The following PECAM1 variants were observed in gnomAD, a reference collection of about 807,000 sequenced individuals.
PECAM1 encodes the protein platelet endothelial cell adhesion molecule.
Under a neutral mutation model 13.8 loss-of-function variants are expected in PECAM1, and 8 were observed. The ratio of observed to expected loss-of-function variants is 0.58; its 90% CI spans 0.34 to 1.05. The LOEUF (loss-of-function observed/expected upper bound fraction) is 1.05. Ranked by LOEUF, PECAM1 falls within the 50% of genes least tolerant of loss-of-function variation. The pLI is 0.03. For synonymous variants in PECAM1, 136 were observed against 52.6 expected, an observed-to-expected ratio of 2.58 and a Z score of -6.86; for missense variants, 304 against 141.2, an observed-to-expected ratio of 2.15 and a Z score of -5.84.
At chr17:64,328,223 G>C (rs1350082995) in intron 15 of PECAM1, among the ~76,000 whole-genome samples, 2 of 152,180 alleles carry the variant, frequency 1.3e-5, no homozygotes, top group Non-Finnish European at 2.9e-5. Flanking sequence ...GTCCTACAGG[G>C]TGTTTTGGGT....
intron 15 of PECAM1, among the ~76,000 whole-genome samples, chr17:64,327,655 G>C (rs80298083): frequency 2.8e-4 from 42 of 152,332 alleles, no homozygotes; most frequent in African/African-American, 9.9e-4. Context: ...TCTCTTCCAT[G>C]CTATCTGTCT....
chr17:64,363,644 T>C (rs1451311032), intron 5 of PECAM1, among the ~76,000 whole-genome samples: 2 of 152,262 alleles, frequency 1.3e-5, no homozygotes, highest in Admixed American at 6.5e-5. Flanking sequence ...TGACAAGGAT[T>C]AGAAAAGTTT....
intron 5 of PECAM1, among the ~76,000 whole-genome samples, chr17:64,365,761 G>T (rs1424467578): frequency 1.3e-5 from 2 of 151,428 alleles, no homozygotes; most frequent in African/African-American, 4.8e-5. Context: ...GGGAAAACTG[G>T]CTAGCCACAT....
intron 2 of PECAM1, among the ~76,000 whole-genome samples, chr17:64,379,718 C>G (rs2036440220): frequency 6.6e-6 from 1 of 152,084 alleles, no homozygotes; most frequent in African/African-American, 2.4e-5. Context: ...ATGTTCTATA[C>G]ATGGCTAAAA....
chr17:64,347,692 T>C (rs2035610423), intron 13 of PECAM1, among the ~76,000 whole-genome samples: 1 of 140,804 alleles, frequency 7.1e-6, no homozygotes, highest in South Asian at 2.2e-4. Context: ...ATTATATATG[T>C]ATTTATATTT....
intron 5 of PECAM1, among the ~76,000 whole-genome samples, chr17:64,367,111 C>G (rs2036126610): frequency 1.3e-5 from 2 of 151,986 alleles, no homozygotes; most frequent in African/African-American, 2.4e-5. Flanking sequence ...CATTTCACCC[C>G]ACAAGTATTT....
chr17:64,373,378 T>C (rs1213108010), intron 4 of PECAM1, among the ~76,000 whole-genome samples: 5 of 152,058 alleles, frequency 3.3e-5, no homozygotes, highest in Non-Finnish European at 4.4e-5. Context: ...AGATGGCCCA[T>C]CCCTACAGTC....
intron 14 of PECAM1, among the ~76,000 whole-genome samples, chr17:64,341,203 G>A (rs2035419655): frequency 6.6e-6 from 1 of 151,822 alleles, no homozygotes; most frequent in Non-Finnish European, 1.5e-5. Context: ...AGTGGAGGTT[G>A]CAGTGAGTCG....
intron 2 of PECAM1, chr17:64,379,212 C>G (rs2143884324): frequency 6.6e-6 from 1 of 152,368 alleles, no homozygotes; most frequent in East Asian, 1.9e-4. Context: ...TGTGGGTCAA[C>G]TGGCCAATTG....
chr17:64,390,429 C>T (rs1385443727), intron 2 of PECAM1, 60 bp downstream of exon 2: 6 of 457,394 alleles, frequency 1.3e-5, no homozygotes, highest in Admixed American at 7.0e-5. Flanking sequence ...TTAGGCATCA[C>T]AGAAGAGAAA....
chr17:64,351,134 T>A (rs1173321893), intron 11 of PECAM1, among the ~76,000 whole-genome samples: 1 of 152,170 alleles, frequency 6.6e-6, no homozygotes, highest in Non-Finnish European at 1.5e-5. Flanking sequence ...TACCTCGGCC[T>A]CCCAAAGTGT....
At chr17:64,355,977 C>T (rs933134263) in intron 8 of PECAM1, 134 bp downstream of exon 8, 3 of 442,956 alleles carry the variant, frequency 6.8e-6, no homozygotes, top group African/African-American at 4.0e-5. Context: ...AACCAAGAGC[C>T]TGGAGGACAT....
chr17:64,321,794 G>A lies in PECAM1; in HGVS notation c.*2022C>T. On this transcript the variant is annotated 3_prime_UTR_variant, in exon 16 of 16. Transcript: ENST00000563924. ...AAAACAAAACAAAAAATTCAGTCGT[G>A]CTGCATAAGTAAGGCACCAGGAGTA... 2.3e-6 allele frequency: 3 copies of A among 1,330,808 alleles called. No individual in the cohort carries two copies. Among genetic ancestry groups the A allele is most frequent in the Middle Eastern group, 2.1e-4 (1 of 4,656 alleles). 82.4% of individuals were successfully genotyped at this position (1,330,808 alleles called of 1,614,324 possible). A position where few individuals can be genotyped will look rare whatever the true frequency, so the allele number is the denominator to read the frequency against.
intron 2 of PECAM1, 160 bp downstream of exon 2, chr17:64,390,329 A>G: frequency 2.5e-6 from 1 of 405,992 alleles, no homozygotes; most frequent in Non-Finnish European, 4.4e-6. Context: ...GCCTTTCTAA[A>G]AATGCCCACA....
Position 64,326,489 on chromosome 17 carries a change from C to T in PECAM1, c.2188-2644G>A, listed in dbSNP as rs372150961. The stretch of plus-strand genomic sequence containing the variant: ...CCCCATGCAAGTGGGCCAAGCAAGC[C>T]GTGCTGGCCCCAGAGGCTGGAGGCC... On this transcript the variant is annotated intron_variant, in intron 15 of 15. Coordinates refer to ENST00000563924, the MANE Select transcript of PECAM1 (RefSeq NM_000442.5). 2.6e-5 allele frequency among the ~76,000 whole-genome samples: 4 copies of T among 152,350 alleles called. No individual in the cohort carries two copies. The South Asian group carries it at 8.3e-4, about 32-fold the overall frequency.
chr17:64,359,811 T>C (rs1456596608), intron 7 of PECAM1, among the ~76,000 whole-genome samples: 1 of 151,798 alleles, frequency 6.6e-6, no homozygotes, highest in Non-Finnish European at 1.5e-5. Flanking sequence ...TGGAGTGCAA[T>C]GGCGCAACTT....
chr17:64,382,544 TTTTTAA>T (rs2036503708), intron 2 of PECAM1, among the ~76,000 whole-genome samples: 1 of 152,144 alleles, frequency 6.6e-6, no homozygotes, highest in Non-Finnish European at 1.5e-5. Context: ...CTTTTTTTAT[TTTTTAA>T]TTTTAATTTT....
chr17:64,323,591 A>T lies in PECAM1; in HGVS notation c.*225T>A. 7.0e-7 allele frequency: 1 copy of T among 1,424,480 alleles called. No individual in the cohort carries two copies. Among genetic ancestry groups the T allele is most frequent in the Non-Finnish European group, 9.2e-7 (1 of 1,092,664 alleles). The allele number at this position is 1,424,480 out of a possible 1,614,324, so 88.2% of individuals were successfully genotyped here. ...TCCAAGGATGTTCCAACTTGGTGGA[A>T]GGAGGGTATGTGGGAAATTCAACAG... On this transcript the variant is annotated 3_prime_UTR_variant, in exon 16 of 16. Coordinates refer to ENST00000563924, the MANE Select transcript of PECAM1 (RefSeq NM_000442.5).
rs1284669784 is a variant in PECAM1, at chr17:64,359,759, T to C, written c.1492+381A>G. Among the ~76,000 whole-genome samples, 82 of 17,708 alleles carry C rather than the reference T, an allele frequency of 4.6e-3. No homozygotes were observed. The Non-Finnish European group carries it at 0.36, about 79-fold the overall frequency. The allele number at this position is 17,708 out of a possible 152,430, so 11.6% of individuals were successfully genotyped here. A position where few individuals can be genotyped will look rare whatever the true frequency, so the allele number is the denominator to read the frequency against. The stretch of plus-strand genomic sequence containing the variant: ...CATAAGCACCCACTACTTCTCTCGC[T>C]TTTTTTTTTTTTAGATGGAGTTTCG... On this transcript the variant is annotated intron_variant, in intron 7 of 15. Coordinates refer to ENST00000563924, the MANE Select transcript of PECAM1 (RefSeq NM_000442.5).
Sources: gnomAD v4.1 joint callset for allele counts (sites outside exome capture counted in the v4.1 genomes callset) on GRCh38, gnomAD v4.1.1 for gene constraint, MANE v1.5 for transcripts, NCBI Gene and HGNC (gene_info 2026-07-23, HGNC 2026-07-21) for gene names.